Variants in CACNA2D3 observed in about 807,000 individuals in gnomAD.
The protein encoded by CACNA2D3 is calcium voltage-gated channel auxiliary subunit alpha2delta 3.
In CACNA2D3, 60 loss-of-function variants were observed where a neutral mutation model predicts 160.6. That is an observed-to-expected ratio of 0.37 (90% CI 0.30 to 0.46). The LOEUF is 0.46. CACNA2D3 is among the 20% of genes least tolerant of loss of function. The pLI, the probability that CACNA2D3 is intolerant of heterozygous loss-of-function variation, is 1.00. For synonymous variants in CACNA2D3, 558 were observed against 492.9 expected (o/e 1.13, Z -1.75); for missense variants, 1,205 against 1,365.0 (o/e 0.88, Z 1.85).
chr3:54,466,818 G>T (rs1441454267), intron 4 of CACNA2D3, among the ~76,000 whole-genome samples: 1 of 152,072 alleles, frequency 6.6e-6, no homozygotes, highest in Non-Finnish European at 1.5e-5. Flanking sequence ...CAAAACTTTG[G>T]GACAGTTGGT....
intron 2 of CACNA2D3, among the ~76,000 whole-genome samples, chr3:54,163,777 C>T (rs2107300480): frequency 6.6e-6 from 1 of 152,316 alleles, no homozygotes; most frequent in African/African-American, 2.4e-5. Flanking sequence ...GCCATGGTGC[C>T]TTGGTCCCCA....
intron 4 of CACNA2D3, among the ~76,000 whole-genome samples, chr3:54,476,446 T>G (rs1397642157): frequency 6.6e-6 from 1 of 152,116 alleles, no homozygotes; most frequent in Non-Finnish European, 1.5e-5. Flanking sequence ...CTGGATCATA[T>G]GGTAGTTCTA....
intron 2 of CACNA2D3, among the ~76,000 whole-genome samples, chr3:54,265,723 C>A (rs1223166229): frequency 6.7e-6 from 1 of 149,794 alleles, no homozygotes; most frequent in East Asian, 2.0e-4. Context: ...TATACGCACA[C>A]ACACAGATGC....
intron 9 of CACNA2D3, among the ~76,000 whole-genome samples, chr3:54,624,777 C>T (rs1266931880): frequency 1.3e-5 from 2 of 152,356 alleles, no homozygotes; most frequent in East Asian, 3.9e-4. Context: ...TGACCAGCCT[C>T]TCAGTGAGCT....
intron 27 of CACNA2D3, among the ~76,000 whole-genome samples, chr3:54,959,894 T>C (rs532938988): frequency 6.6e-6 from 1 of 152,284 alleles, no homozygotes; most frequent in African/African-American, 2.4e-5. Flanking sequence ...AGATGAAGTC[T>C]GGAAAAATGC....
intron 3 of CACNA2D3, among the ~76,000 whole-genome samples, chr3:54,380,948 G>A (rs1189131507): frequency 6.6e-6 from 1 of 151,960 alleles, no homozygotes; most frequent in African/African-American, 2.4e-5. Context: ...TTAACCCTTC[G>A]TGTAGCCCAA....
chr3:54,588,893 TTTATATATTTAATAG>T (rs952999049), intron 9 of CACNA2D3, among the ~76,000 whole-genome samples: 2 of 151,182 alleles, frequency 1.3e-5, no homozygotes, highest in Non-Finnish European at 3.0e-5. Context: ...AGGTTTAATA[TTTATATATTTAATAG>T]TTATATATTT....
chr3:54,811,515 T>G (rs1703318297), intron 13 of CACNA2D3, among the ~76,000 whole-genome samples: 1 of 106,658 alleles, frequency 9.4e-6, no homozygotes, highest in Admixed American at 1.2e-4. Flanking sequence ...TTTTTTTTTT[T>G]GAGACAGCAT....
At chr3:54,514,023 T>C (rs1298099320) in intron 5 of CACNA2D3, among the ~76,000 whole-genome samples, 1 of 152,264 alleles carries the variant, frequency 6.6e-6, no homozygotes, top group Non-Finnish European at 1.5e-5. Flanking sequence ...TGGAAGGCCC[T>C]GTTTTTGTCA....
intron 13 of CACNA2D3, among the ~76,000 whole-genome samples, chr3:54,777,231 G>A (rs1702441515): frequency 6.6e-6 from 1 of 152,160 alleles, no homozygotes; most frequent in South Asian, 2.1e-4. Flanking sequence ...CCATAGGTAA[G>A]GACATTTCAC....
chr3:54,342,465 C>T (rs1021738636), intron 3 of CACNA2D3, among the ~76,000 whole-genome samples: 1 of 152,044 alleles, frequency 6.6e-6, no homozygotes, highest in Non-Finnish European at 1.5e-5. Context: ...AGGGCATGTG[C>T]AGGCTGGTTG....
chr3:54,767,144 A>G (rs1356165671), intron 13 of CACNA2D3, among the ~76,000 whole-genome samples: 1 of 152,022 alleles, frequency 6.6e-6, no homozygotes, highest in Admixed American at 6.6e-5. Context: ...TTTTGAAAGC[A>G]TATGAATGTT....
chr3:55,035,828 T>A (rs1703804418), intron 35 of CACNA2D3, among the ~76,000 whole-genome samples: 2 of 152,200 alleles, frequency 1.3e-5, no homozygotes, highest in Non-Finnish European at 2.9e-5. Flanking sequence ...CTAAAAATGC[T>A]TTCCGGCTAT....
intron 34 of CACNA2D3, among the ~76,000 whole-genome samples, chr3:55,015,293 C>T (rs1475311754): frequency 6.6e-6 from 1 of 152,214 alleles, no homozygotes; most frequent in Non-Finnish European, 1.5e-5. Context: ...CTGCCACATA[C>T]TCAGTGGATG....
chr3:54,340,544 G>T (rs1704495345), intron 3 of CACNA2D3, among the ~76,000 whole-genome samples: 1 of 152,216 alleles, frequency 6.6e-6, no homozygotes, highest in South Asian at 2.1e-4. Context: ...TATTTCAAAA[G>T]AATGGGAAGC....
rs147211086 is a variant in CACNA2D3 at position 54,908,869 on chromosome 3, A to G, written c.2449+9001A>G. 6.3e-3 allele frequency among the ~76,000 whole-genome samples: 961 copies of G among 152,312 alleles called. 19 individuals are homozygous for G. The highest frequency in any genetic ancestry group is 0.021 in the African/African-American group (866 of 41,566). On this transcript the variant is annotated intron_variant, in intron 27 of 37. Coordinates refer to ENST00000474759, the MANE Select transcript of CACNA2D3 (RefSeq NM_018398.3). ...GAGTAGATGGAGGGGTAGAGACCAT[A>G]GAAACTGCAAAGCCAAAAATATCCA...
intron 25 of CACNA2D3, among the ~76,000 whole-genome samples, chr3:54,895,825 T>C (rs1248967966): frequency 6.6e-6 from 1 of 152,296 alleles, no homozygotes; most frequent in South Asian, 2.1e-4. Context: ...CATGTGACTC[T>C]CCAGAGGGAA....
chr3:54,702,256 A>G (rs946209660), intron 11 of CACNA2D3, among the ~76,000 whole-genome samples: 1 of 152,204 alleles, frequency 6.6e-6, no homozygotes, highest in Non-Finnish European at 1.5e-5. Flanking sequence ...AACATTGACA[A>G]GTGGGACCTA....
chr3:54,880,879 G>A lies in CACNA2D3; in HGVS notation c.1912+16G>A, dbSNP rs1420390312. The A allele has an allele frequency of 4.3e-6, 7 of 1,610,672 alleles. No individual in the cohort carries two copies. Among genetic ancestry groups the A allele is most frequent in the Non-Finnish European group, 5.9e-6 (7 of 1,176,928 alleles). On this transcript the variant is annotated intron_variant, in intron 21 of 37. Coordinates refer to ENST00000474759, the MANE Select transcript of CACNA2D3 (RefSeq NM_018398.3). ...ATCGAAGAAGGTAAGATACTGCCTGGCTCGTCTTATCCTTTGGTGTGGGAG... is the reference window on the plus strand; with the variant it reads ...ATCGAAGAAGGTAAGATACTGCCTGACTCGTCTTATCCTTTGGTGTGGGAG...
Sources: gnomAD v4.1 joint callset for allele counts (sites outside exome capture counted in the v4.1 genomes callset) on GRCh38, gnomAD v4.1.1 for gene constraint, MANE v1.5 for transcripts, NCBI Gene and HGNC (gene_info 2026-07-23, HGNC 2026-07-21) for gene names.